The following RIF1 variants were observed in gnomAD, a reference collection of about 807,000 sequenced individuals.
RIF1 encodes the protein replication timing regulatory factor 1.
Under a neutral mutation model 247.1 loss-of-function variants are expected in RIF1, and 45 were observed. That is an observed-to-expected ratio of 0.18 (90% CI 0.14 to 0.23). RIF1 has a LOEUF of 0.23. Ranked by LOEUF, RIF1 falls within the 10% of genes least tolerant of loss-of-function variation. The pLI is 1.00. For missense variants in RIF1, 2,967 were observed against 2,862.5 expected (o/e 1.04, Z -0.83); for synonymous variants, 1,087 against 978.8 (o/e 1.11, Z -2.06).
intron 13 of RIF1, chr2:151,506,437 T>C (rs1422210066): frequency 5.2e-6 from 3 of 578,608 alleles, no homozygotes; most frequent in African/African-American, 1.9e-5. Flanking sequence ...AGACCAGTTA[T>C]ACAACATGGA....
In RIF1 at chr2:151,445,386, A is replaced by G. The variant is rs752854014; in HGVS notation, c.2035A>G (p.Ile679Val). ...TGCCTTAGAACATAATTTTAGTGCC[A>G]TCTATGGTGCATTGACTTTACCAGT... ...GDALEHNFSA[I>V]YGALTLPVNH... The change falls in exon 19 of 36, where the codon ATC becomes GTC. Residue 679 changes from isoleucine to valine, a missense_variant. Ile to Val is a conservative substitution (Grantham distance 29, BLOSUM62 3). Around this residue, in one of 7 missense-constraint regions of RIF1, gnomAD observed 76 missense variants for 113.3 expected, o/e 0.67. Coordinates refer to ENST00000444746, the MANE Select transcript of RIF1 (RefSeq NM_018151.5). The G allele has an allele frequency of 6.2e-7, 1 of 1,611,056 alleles. No individual in the cohort carries two copies. Among genetic ancestry groups the G allele is most frequent in the Non-Finnish European group, 8.5e-7 (1 of 1,177,228 alleles).
intron 30 of RIF1, among the ~76,000 whole-genome samples, chr2:151,466,321 TC>T (rs553711520): frequency 1.5e-4 from 23 of 152,352 alleles, no homozygotes; most frequent in African/African-American, 5.3e-4. Context: ...GATAAGTCTT[TC>T]ATTTTACAAC....
In RIF1 at chr2:151,496,564, A is replaced by C. The variant is rs552448949; in HGVS notation, c.*513+1238A>C. Among the ~76,000 whole-genome samples the C allele has an allele frequency of 2.3e-3, 354 of 152,300 alleles. 3 individuals are homozygous for C. The highest frequency in any genetic ancestry group is 8.3e-3 in the African/African-American group (343 of 41,562). On this transcript the variant is annotated intron_variant and NMD_transcript_variant, in intron 10 of 13. Coordinates refer to the RIF1 transcript ENST00000454583. Reference sequence around the variant, plus strand: ...ATGGGGAATCTGCACCCTCTAGAGAAGCAGGGACCTCAGCTGCTGGGGAAA... The same window carrying C: ...ATGGGGAATCTGCACCCTCTAGAGACGCAGGGACCTCAGCTGCTGGGGAAA...
chr2:151,490,369 T>C, intron 9 of RIF1: 7 of 1,587,346 alleles, frequency 4.4e-6, no homozygotes, highest in Non-Finnish European at 6.0e-6. Context: ...CAGGCACTTG[T>C]ACCTGTTGAG....
chr2:151,512,620 T>G, downstream of RIF1: 1 of 859,364 alleles, frequency 1.2e-6, no homozygotes, highest in Non-Finnish European at 1.9e-6. Context: ...GGTGAATCTC[T>G]TTTTTATTGG....
chr2:151,532,119 C>T, the RIF1 span: 2,649 of 395,622 alleles, frequency 6.7e-3, 11 homozygotes, highest in Non-Finnish European at 9.7e-3. Flanking sequence ...CCCTCCGAGA[C>T]GGAGTCTTAC....
intron 7 of RIF1, among the ~76,000 whole-genome samples, chr2:151,422,345 A>G (rs1261105291): frequency 6.6e-6 from 1 of 152,070 alleles, no homozygotes; most frequent in Non-Finnish European, 1.5e-5. Flanking sequence ...AGAAAAAAAA[A>G]GTTGGATTGA....
chr2:151,534,176 C>T, the RIF1 span: 1 of 1,456,854 alleles, frequency 6.9e-7, no homozygotes, highest in South Asian at 1.2e-5. Context: ...ACTGGGAGCA[C>T]AGTCCTGCCT....
At position 151,473,208 on chromosome 2, in the gene RIF1, A is replaced by AT. The variant is rs1000191882; in HGVS notation, c.7096-752dup. On this transcript the variant is annotated intron_variant, in intron 34 of 35. Coordinates refer to ENST00000444746, the MANE Select transcript of RIF1 (RefSeq NM_018151.5). ...GAGTCATGTGGTTACTGAACTTATT[A>AT]TTTTCAGAAAGTTAACTTTCTGAAC... Among the ~76,000 whole-genome samples the AT allele has an allele frequency of 1.2e-4, 18 of 149,388 alleles. 1 individual carries two copies. The highest frequency in any genetic ancestry group is 5.4e-4 in the Admixed American group (8 of 14,920).
chr2:151,531,174 T>A, the RIF1 span: 2 of 1,008,636 alleles, frequency 2.0e-6, no homozygotes, highest in East Asian at 2.6e-5. Flanking sequence ...AAATGCAAAG[T>A]TTTTTCCTGA....
chr2:151,523,241 TAATAA>T, the RIF1 span, among the ~76,000 whole-genome samples: 1 of 152,206 alleles, frequency 6.6e-6, no homozygotes, highest in Non-Finnish European at 1.5e-5. Flanking sequence ...CATTAATTTA[TAATAA>T]AATATGTTAC....
chr2:151,462,155 G>T, intron 27 of RIF1, 87 bp from the exon 28 acceptor site: 1 of 882,000 alleles, frequency 1.1e-6, no homozygotes, highest in Non-Finnish European at 1.7e-6. Context: ...TTACAGGCGT[G>T]AGCCACCGTA....
chr2:151,489,922 A>G, intron 9 of RIF1: 1 of 1,394,330 alleles, frequency 7.2e-7, no homozygotes, highest in Non-Finnish European at 1.0e-6. Flanking sequence ...ATGTTTGCAC[A>G]TATCAAAAAT....
chr2:151,500,992 T>G (rs1172084716), intron 11 of RIF1, among the ~76,000 whole-genome samples: 2 of 152,218 alleles, frequency 1.3e-5, no homozygotes, highest in East Asian at 3.8e-4. Context: ...ATGATCCCTG[T>G]TCCTAAGGAA....
intron 7 of RIF1, 134 bp from the exon 8 acceptor site, chr2:151,422,816 C>T: frequency 1.7e-6 from 1 of 573,044 alleles, no homozygotes. Flanking sequence ...CGCACCTGGC[C>T]TTGGGTGGGG....
chr2:151,451,401 C>T lies in RIF1; in HGVS notation c.2245-205C>T, dbSNP rs13432666. On this transcript the variant is annotated intron_variant, in intron 20 of 35. Transcript: ENST00000444746. ...TTTGTGTGGGTACACTGTGTTCTCA[C>T]AAGATGAAATTGCCTGATGACCCAT... 5.1e-3 allele frequency among the ~76,000 whole-genome samples: 772 copies of T among 152,258 alleles called. 5 individuals are homozygous for T. The highest frequency in any genetic ancestry group is 0.021 in the Middle Eastern group (6 of 292).
chr2:151,456,427 A>G (rs967774425), intron 22 of RIF1, 151 bp from the exon 23 acceptor site: 9 of 497,362 alleles, frequency 1.8e-5, no homozygotes, highest in Non-Finnish European at 2.1e-5. Context: ...TTAGTATTTG[A>G]GTTTTTTACT....
At chr2:151,429,053 G>C in intron 9 of RIF1, 131 bp downstream of exon 9, 1 of 609,848 alleles carries the variant, frequency 1.6e-6, no homozygotes. Flanking sequence ...CATTTTAAGG[G>C]AACAGGAATA....
At chr2:151,431,109 G>A (rs1358865622) in intron 9 of RIF1, among the ~76,000 whole-genome samples, 1 of 152,182 alleles carries the variant, frequency 6.6e-6, no homozygotes, top group Non-Finnish European at 1.5e-5. Context: ...TTTAAAGATA[G>A]TAAGTTAAAA....
Sources: gnomAD v4.1 joint callset for allele counts (sites outside exome capture counted in the v4.1 genomes callset) on GRCh38, gnomAD v4.1.1 for gene constraint, gnomAD v4.1.1 regional missense constraint, MANE v1.5 for transcripts, NCBI Gene and HGNC (gene_info 2026-07-23, HGNC 2026-07-21) for gene names.